Variants in HLA-DOB observed in about 807,000 individuals in gnomAD.
HLA-DOB encodes major histocompatibility complex, class II, DO beta, also known as HLA class II histocompatibility antigen, DO beta chain.
HLA-DOB carries 25 observed loss-of-function variants against 27.7 expected under a neutral mutation model. The ratio of observed to expected loss-of-function variants is 0.90; its 90% CI spans 0.66 to 1.26. The LOEUF is 1.26. Among genes scored for constraint, HLA-DOB ranks in the 50% most tolerant of loss-of-function variants. The pLI, the probability that HLA-DOB is intolerant of heterozygous loss-of-function variation, is 0.00. For missense variants in HLA-DOB, 306 were observed against 324.9 expected, an observed-to-expected ratio of 0.94 and a Z score of 0.45; for synonymous variants, 137 against 125.6, an observed-to-expected ratio of 1.09 and a Z score of -0.61.
Position 32,812,992 on chromosome 6 carries a change from G to A in HLA-DOB, c.*224C>T. 1 of 596,646 alleles carries A rather than the reference G, an allele frequency of 1.7e-6. No individual in the cohort carries two copies. Among genetic ancestry groups the A allele is most frequent in the South Asian group, 2.0e-5 (1 of 49,342 alleles). 37.0% of individuals were successfully genotyped at this position (596,646 alleles called of 1,614,324 possible). On this transcript the variant is annotated 3_prime_UTR_variant, in exon 6 of 6. Coordinates refer to ENST00000438763, the MANE Select transcript of HLA-DOB (RefSeq NM_002120.4). ...AGGGGAGTTTCTGGACAATGCCCTTGGCAATGGGGATTAATGATGTACACG... is the reference window on the plus strand; with the variant it reads ...AGGGGAGTTTCTGGACAATGCCCTTAGCAATGGGGATTAATGATGTACACG...
chr6:32,816,167 T>G (rs1768010829), intron 1 of HLA-DOB, among the ~76,000 whole-genome samples: 1 of 152,222 alleles, frequency 6.6e-6, no homozygotes, highest in African/African-American at 2.4e-5. Flanking sequence ...TTGTATTTAA[T>G]GAAACTAACA....
intron 3 of HLA-DOB, 171 bp downstream of exon 3, chr6:32,814,149 C>T (rs1767915179): frequency 1.6e-6 from 1 of 638,964 alleles, no homozygotes. Context: ...TAGATATCTG[C>T]CATGTTTTCT....
At chr6:32,815,560 T>A (rs2856995) in intron 1 of HLA-DOB, among the ~76,000 whole-genome samples, 66,359 of 152,072 alleles carry the variant, frequency 0.44, 14,688 homozygotes, top group East Asian at 0.6. Flanking sequence ...ACTTAGAGAC[T>A]TACCAGACAC....
At chr6:32,815,370 C>T (rs1057273296) in intron 1 of HLA-DOB, 57 bp from the exon 2 acceptor site, 11 of 1,598,454 alleles carry the variant, frequency 6.9e-6, no homozygotes, top group Admixed American at 5.0e-5. Flanking sequence ...AAACCCATGC[C>T]TGGTAAATTA....
intron 5 of HLA-DOB, 70 bp from the exon 6 acceptor site, chr6:32,813,321 G>A: frequency 6.3e-7 from 1 of 1,596,600 alleles, no homozygotes; most frequent in Non-Finnish European, 8.6e-7. Context: ...AGAGACTCAG[G>A]GGACAGTCCC....
At position 32,815,200 on chromosome 6, in the gene HLA-DOB, C is replaced by A; in HGVS notation, c.205G>T (p.Asp69Tyr). 1 of 1,614,226 alleles carries A rather than the reference C, an allele frequency of 6.2e-7. No homozygotes were observed. Among genetic ancestry groups the A allele is most frequent in the Non-Finnish European group, 8.5e-7 (1 of 1,180,054 alleles). The change falls in exon 2 of 6, where the codon GAT (aspartate) becomes TAT (tyrosine). Residue 69 changes from aspartate (D) to tyrosine (Y), a missense_variant. By Grantham distance (160) the Asp-to-Tyr change is radical. Transcript: ENST00000438763. ...GTCAATGCCACAAACATCCCCACAT[C>A]ACTGTCGAAACGTACATACTCCTCC... ...NLEEYVRFDS[D>Y]VGMFVALTKL...
At chr6:32,815,843 C>A (rs1767998443) in intron 1 of HLA-DOB, among the ~76,000 whole-genome samples, 1 of 152,242 alleles carries the variant, frequency 6.6e-6, no homozygotes, top group Non-Finnish European at 1.5e-5. Context: ...TTGTAATTTA[C>A]TTTCCTTTCT....
chr6:32,814,335 C>T lies in HLA-DOB; in HGVS notation c.628G>A (p.Val210Ile), dbSNP rs11575907. Residue 210 changes from valine (V) to isoleucine (I), a missense_variant, in exon 3 of 6, where the codon GTT (valine) becomes ATT (isoleucine). By Grantham distance (29) the Val-to-Ile change is conservative. Transcript: ENST00000438763. ...LVDHSSLLSPVSVEWRAQSEY... is the reference protein window; with the variant it reads ...LVDHSSLLSPISVEWRAQSEY... ...TAATTCTCACTCCACTCCACAGAAA[C>T]AGGGCTCAGCAGGCTGGAGTGATCG... The T allele has an allele frequency of 0.031, 49,894 of 1,612,858 alleles. 987 individuals carry two copies. Among genetic ancestry groups the T allele is most frequent in the South Asian group, 0.058 (5,241 of 91,058 alleles).
intron 4 of HLA-DOB, 41 bp downstream of exon 4, chr6:32,813,682 G>T: frequency 7.5e-7 from 1 of 1,337,858 alleles, no homozygotes; most frequent in Non-Finnish European, 1.1e-6. Context: ...AGTGGGGAAG[G>T]TCTGGGACAG....
At position 32,812,901 on chromosome 6, in the gene HLA-DOB, G is replaced by T; in HGVS notation, c.*315C>A. On this transcript the variant is annotated 3_prime_UTR_variant, in exon 6 of 6. Transcript: ENST00000438763. Reference sequence around the variant, plus strand: ...GAAGACAGAAAGCTTTGGAGATCATGACTTATAGGAGTAGGGCTGGACCAC... The same window carrying T: ...GAAGACAGAAAGCTTTGGAGATCATTACTTATAGGAGTAGGGCTGGACCAC... The T allele has an allele frequency of 2.5e-6, 1 of 392,370 alleles. No individual in the cohort carries two copies. 24.3% of individuals were successfully genotyped at this position (392,370 alleles called of 1,614,324 possible).
chr6:32,813,142 T>C lies in HLA-DOB; in HGVS notation c.*74A>G. The C allele has an allele frequency of 1.5e-6, 2 of 1,323,066 alleles. No homozygotes were observed. Among genetic ancestry groups the C allele is most frequent in the Non-Finnish European group, 2.2e-6 (2 of 915,110 alleles). The allele number at this position is 1,323,066 out of a possible 1,614,324, so 82.0% of individuals were successfully genotyped here. On this transcript the variant is annotated 3_prime_UTR_variant, in exon 6 of 6. Transcript: ENST00000438763. ...TCCCAGAACATTGACCTCATGAATG[T>C]CCTTTACCTCACCCAGGGCCCAGAC...
chr6:32,813,384 G>T, intron 5 of HLA-DOB, 56 bp downstream of exon 5: 2 of 1,598,512 alleles, frequency 1.3e-6, no homozygotes, highest in Non-Finnish European at 8.6e-7. Context: ...TCTCCCTCTG[G>T]CCAAAGAACC....
chr6:32,814,611 G>A lies in HLA-DOB; in HGVS notation c.362-10C>T, dbSNP rs773064828. 3.8e-5 allele frequency: 61 copies of A among 1,603,720 alleles called. 1 individual carries two copies. The South Asian group carries it at 6.4e-4, about 17-fold the overall frequency. On this transcript the variant is annotated splice_polypyrimidine_tract_variant and intron_variant, in intron 2 of 5. Transcript: ENST00000438763. ...GTCACCTCTGGTTGCACTAGGAAGGGAGGAAAAATGAGACACCGTGAAAGA... is the reference window on the plus strand; with the variant it reads ...GTCACCTCTGGTTGCACTAGGAAGGAAGGAAAAATGAGACACCGTGAAAGA...
Position 32,813,820 on chromosome 6 carries a change from T to C in HLA-DOB, c.657A>G (p.Glu219=), listed in dbSNP as rs1198244298. 3 of 1,554,330 alleles carry C rather than the reference T, an allele frequency of 1.9e-6. No individual in the cohort carries two copies. Residue 219 remains glutamate (E), a synonymous_variant, in exon 4 of 6, where the codon GAA becomes GAG. Transcript: ENST00000438763. ...PVSVEWRAQS[E]YSWRKMLSGI... ...CACTCAGCATCTTTCTCCAAGAATATTCAGACTGAGCTCCTATGGGAAACA... is the reference window on the plus strand; with the variant it reads ...CACTCAGCATCTTTCTCCAAGAATACTCAGACTGAGCTCCTATGGGAAACA...
intron 1 of HLA-DOB, among the ~76,000 whole-genome samples, chr6:32,816,567 C>G (rs1768027014): frequency 6.6e-6 from 1 of 152,168 alleles, no homozygotes; most frequent in South Asian, 2.1e-4. Flanking sequence ...AAGCCAAGGC[C>G]TTCAACACGC....
rs757934639 is a variant in HLA-DOB, at chr6:32,815,156, A to G, written c.249T>C (p.Asp83=). Residue 83 remains aspartate, a synonymous_variant, in exon 2 of 6, where the codon GAT becomes GAC. Coordinates refer to ENST00000438763, the MANE Select transcript of HLA-DOB (RefSeq NM_002120.4). ...CCAGCCGGCTGTTCCACTGCTCAGC[A>G]TCTGGCTGCCCCAGCTTGGTCAATG... ...FVALTKLGQP[D]AEQWNSRLDL... 1.2e-6 allele frequency: 2 copies of G among 1,614,234 alleles called. No homozygotes were observed. The highest frequency in any genetic ancestry group is 4.5e-5 in the East Asian group (2 of 44,892).
At chr6:32,813,883 C>T (rs752575374) in intron 3 of HLA-DOB, 50 bp from the exon 4 acceptor site, 10 of 1,137,856 alleles carry the variant, frequency 8.8e-6, no homozygotes, top group Admixed American at 4.1e-5. Context: ...ATATTTAAAG[C>T]ACTTTCTTGG....
rs781570264 is a variant in HLA-DOB at position 32,814,548 on chromosome 6, T to C, written c.415A>G (p.Asn139Asp). ...PERTPLLHQH[N>D]LLHCSVTGFY... The stretch of plus-strand genomic sequence containing the variant: ...CCTGTCACAGAGCAGTGCAGCAGAT[T>C]ATGCTGGTGCAGGAGTGGGGTCCTC... Residue 139 changes from asparagine to aspartate, a missense_variant, in exon 3 of 6, where the codon AAT becomes GAT. Coordinates refer to ENST00000438763, the MANE Select transcript of HLA-DOB (RefSeq NM_002120.4). 6.2e-7 allele frequency: 1 copy of C among 1,613,012 alleles called. No individual in the cohort carries two copies. Among genetic ancestry groups the C allele is most frequent in the East Asian group, 2.2e-5 (1 of 44,880 alleles).
At chr6:32,816,765 A>G in intron 1 of HLA-DOB, 96 bp downstream of exon 1, 2 of 962,300 alleles carry the variant, frequency 2.1e-6, no homozygotes, top group Non-Finnish European at 3.2e-6. Context: ...AGCCACTTCC[A>G]GTCTGGTCTG....
Sources: gnomAD v4.1 joint callset for allele counts (sites outside exome capture counted in the v4.1 genomes callset) on GRCh38, gnomAD v4.1.1 for gene constraint, MANE v1.5 for transcripts, NCBI Gene and HGNC (gene_info 2026-07-23, HGNC 2026-07-21) for gene names.